Variants in BTBD2 observed in about 807,000 individuals in gnomAD.
The protein encoded by BTBD2 is BTB/POZ domain-containing protein 2.
Under a neutral mutation model 44.0 loss-of-function variants are expected in BTBD2, and 15 were observed. The ratio of observed to expected loss-of-function variants is 0.34; its 90% confidence interval spans 0.23 to 0.53. The LOEUF is 0.53. BTBD2 is among the 20% of genes least tolerant of loss of function. The probability of loss-of-function intolerance (pLI) is 0.95; values close to 1 mark genes in which losing one functional copy is unlikely to be tolerated. For synonymous variants in BTBD2, 443 were observed against 335.9 expected, an observed-to-expected ratio of 1.32 and a Z score of -3.49; for missense variants, 657 against 746.4, an observed-to-expected ratio of 0.88 and a Z score of 1.39.
intron 1 of BTBD2, among the ~76,000 whole-genome samples, chr19:1,998,239 C>T (rs139167235): frequency 6.1e-4 from 93 of 152,354 alleles, no homozygotes; most frequent in Non-Finnish European, 1.2e-3. Flanking sequence ...GAGTCAGCTA[C>T]AGGCACAGGG....
intron 1 of BTBD2, among the ~76,000 whole-genome samples, chr19:2,004,747 G>C (rs2016373301): frequency 1.3e-5 from 2 of 151,486 alleles, no homozygotes; most frequent in Non-Finnish European, 1.5e-5. Flanking sequence ...GAGAGGCCAA[G>C]GCAGGAGGAT....
rs2016527424 is a variant in BTBD2, at chr19:2,015,676, C to T, written c.28G>A (p.Ala10Thr). MAAGGSGGR[A>T]SCPPGVGVGP... ...ACCCCGACCCCCGGCGGGCACGACGCACGCCCGCCGCTCCCACCCGCCGCC... is the reference window on the plus strand; with the variant it reads ...ACCCCGACCCCCGGCGGGCACGACGTACGCCCGCCGCTCCCACCCGCCGCC... Residue 10 changes from alanine (A) to threonine (T), a missense_variant, in exon 1 of 9, where the codon GCG (alanine) becomes ACG (threonine). Ala to Thr is a moderately conservative substitution (Grantham distance 58). Coordinates refer to ENST00000255608, the MANE Select transcript of BTBD2 (RefSeq NM_017797.4). 2 of 992,984 alleles carry T rather than the reference C, an allele frequency of 2.0e-6. No individual in the cohort carries two copies. The highest frequency in any genetic ancestry group is 4.4e-5 in the South Asian group (1 of 22,492). 61.5% of individuals were successfully genotyped at this position (992,984 alleles called of 1,614,324 possible).
rs373840692 is a variant in BTBD2, at chr19:1,986,445, C to T, written c.*43G>A. 1.6e-4 allele frequency: 258 copies of T among 1,603,980 alleles called. No homozygotes were observed. The highest frequency in any genetic ancestry group is 1.9e-4 in the Non-Finnish European group (226 of 1,172,910). On this transcript the variant is annotated 3_prime_UTR_variant, in exon 9 of 9. Coordinates refer to ENST00000255608, the MANE Select transcript of BTBD2 (RefSeq NM_017797.4). The stretch of plus-strand genomic sequence containing the variant: ...AGCAGCAGATGATGGCCTGGGGCTG[C>T]GGCTATCCCCACGGAGGGAGGGCGG...
At chr19:2,013,005 G>A (rs529480443) in intron 1 of BTBD2, among the ~76,000 whole-genome samples, 2 of 152,274 alleles carry the variant, frequency 1.3e-5, no homozygotes, top group East Asian at 1.9e-4. Flanking sequence ...CTCACTCCAA[G>A]CTAGGAGAGG....
At chr19:2,009,811 C>G (rs2016440702) in intron 1 of BTBD2, among the ~76,000 whole-genome samples, 1 of 151,952 alleles carries the variant, frequency 6.6e-6, no homozygotes, top group African/African-American at 2.4e-5. Context: ...GATCACGCCA[C>G]TGTACCCCAG....
chr19:1,994,272 T>G (rs2016221605), intron 2 of BTBD2, among the ~76,000 whole-genome samples: 2 of 150,770 alleles, frequency 1.3e-5, no homozygotes, highest in African/African-American at 4.9e-5. Flanking sequence ...GCCAAGATCG[T>G]ATCACTGCAC....
In BTBD2 at chr19:1,990,704, C is replaced by T. The variant is rs1247988599; in HGVS notation, c.790+13G>A. ...CCGCTGGGATTCCCACACCTGGGCT[C>T]CTGGGCCCTTACCCAGGTCAATGTC... On this transcript the variant is annotated intron_variant, in intron 4 of 8. Coordinates refer to ENST00000255608, the MANE Select transcript of BTBD2 (RefSeq NM_017797.4). The T allele has an allele frequency of 6.3e-7, 1 of 1,586,082 alleles. No homozygotes were observed. Among genetic ancestry groups the T allele is most frequent in the South Asian group, 1.1e-5 (1 of 87,062 alleles).
In BTBD2 at chr19:1,987,544, C is replaced by T. The variant is rs1445239608; in HGVS notation, c.1137G>A (p.Gln379=). The T allele has an allele frequency of 6.2e-7, 1 of 1,609,828 alleles. No individual in the cohort carries two copies. Among genetic ancestry groups the T allele is most frequent in the Non-Finnish European group, 8.5e-7 (1 of 1,178,556 alleles). Residue 379 remains glutamine (Q), a synonymous_variant, in exon 6 of 9, where the codon CAG becomes CAA. Coordinates refer to ENST00000255608, the MANE Select transcript of BTBD2 (RefSeq NM_017797.4). ...GKECSINRFQ[Q]VESRWGYSGT... is the part of the protein sequence containing the mutation. ...CGCTGTAGCCCCAGCGACTCTCCACCTGCTGGAAGCGGTTGATGCTGCACT... is the reference window on the plus strand; with the variant it reads ...CGCTGTAGCCCCAGCGACTCTCCACTTGCTGGAAGCGGTTGATGCTGCACT...
intron 1 of BTBD2, among the ~76,000 whole-genome samples, chr19:2,012,155 G>A (rs917474052): frequency 8.2e-6 from 1 of 121,638 alleles, no homozygotes; most frequent in Admixed American, 8.3e-5. Context: ...CGCCCAGCCT[G>A]TCCTTTATTT....
Position 1,986,810 on chromosome 19 carries a change from C to T in BTBD2, c.1416+20G>A. ...GGGCCAGAGACTCCCACGGAGGGAC[C>T]CCTGTCCCCGGCGGCGCACCTTGAG... On this transcript the variant is annotated intron_variant, in intron 8 of 8. Coordinates refer to ENST00000255608, the MANE Select transcript of BTBD2 (RefSeq NM_017797.4). 1.9e-6 allele frequency: 3 copies of T among 1,593,102 alleles called. No homozygotes were observed. The highest frequency in any genetic ancestry group is 2.6e-6 in the Non-Finnish European group (3 of 1,169,314).
intron 5 of BTBD2, 24 bp downstream of exon 5, chr19:1,989,979 AG>A (rs2016149799): frequency 1.2e-6 from 2 of 1,611,534 alleles, no homozygotes; most frequent in African/African-American, 2.7e-5. Context: ...CTCCCAAACC[AG>A]CCCCTGAGCC....
chr19:1,998,948 T>A (rs1311656537), intron 1 of BTBD2, among the ~76,000 whole-genome samples: 1 of 152,066 alleles, frequency 6.6e-6, no homozygotes, highest in African/African-American at 2.4e-5. Flanking sequence ...CCACAGCAAG[T>A]GCCGGCTCTC....
At chr19:1,997,255 C>T (rs2016263062) in intron 2 of BTBD2, 89 bp downstream of exon 2, 3 of 1,575,398 alleles carry the variant, frequency 1.9e-6, no homozygotes, top group Admixed American at 3.5e-5. Context: ...AAGCCAGGGC[C>T]TCTGAGCTGG....
At chr19:1,998,358 G>A (rs950495301) in intron 1 of BTBD2, among the ~76,000 whole-genome samples, 1 of 152,222 alleles carries the variant, frequency 6.6e-6, no homozygotes, top group Non-Finnish European at 1.5e-5. Flanking sequence ...GCCCAGGGAA[G>A]CCCTGTGGGG....
chr19:1,997,759 C>T (rs776590734), intron 1 of BTBD2, among the ~76,000 whole-genome samples: 2 of 152,248 alleles, frequency 1.3e-5, no homozygotes, highest in Non-Finnish European at 2.9e-5. Context: ...GCGTCAGGCA[C>T]GCACTCATTC....
At chr19:1,990,680 C>T (rs4806826) in intron 4 of BTBD2, 37 bp downstream of exon 4, 26,166 of 1,544,792 alleles carry the variant, frequency 0.017, 461 homozygotes, top group Admixed American at 0.083. Context: ...GCCGAGGCCC[C>T]GCTGGGATTC....
At position 1,985,951 on chromosome 19, in the gene BTBD2, GC is replaced by G. The variant is rs1418756067; in HGVS notation, c.*536del. 6.4e-6 allele frequency: 1 copy of G among 156,268 alleles called. No homozygotes were observed. Among genetic ancestry groups the G allele is most frequent in the Non-Finnish European group, 1.4e-5 (1 of 70,602 alleles). The allele number at this position is 156,268 out of a possible 1,614,324, so 9.7% of individuals were successfully genotyped here. A position where few individuals can be genotyped will look rare whatever the true frequency, so the allele number is the denominator to read the frequency against. ...AAGCCGGCATCCAGGCAGTGGGAACGCCCCGCAGGCTGGGCTTGGGTGGCCT... is the reference window on the plus strand; with the variant it reads ...AAGCCGGCATCCAGGCAGTGGGAACGCCCGCAGGCTGGGCTTGGGTGGCCT... On this transcript the variant is annotated 3_prime_UTR_variant, in exon 9 of 9. Coordinates refer to ENST00000255608, the MANE Select transcript of BTBD2 (RefSeq NM_017797.4).
chr19:1,990,439 GA>G, intron 4 of BTBD2: 1 of 615,214 alleles, frequency 1.6e-6, no homozygotes, highest in Admixed American at 2.9e-5. Context: ...GAGTAGCTTT[GA>G]CAAAAGCTGT....
intron 1 of BTBD2, among the ~76,000 whole-genome samples, chr19:1,998,532 C>T (rs901597152): frequency 1.3e-5 from 2 of 152,186 alleles, no homozygotes; most frequent in African/African-American, 4.8e-5. Flanking sequence ...GCCTATGGGG[C>T]CCACTCAGTG....
Sources: allele counts gnomAD v4.1 joint callset (sites outside exome capture counted in the v4.1 genomes callset), GRCh38; gene constraint gnomAD v4.1.1; transcripts MANE v1.5; gene names NCBI Gene and HGNC (gene_info 2026-07-23, HGNC 2026-07-21).